PITPNM2: variants seen among roughly 807,000 people sequenced by gnomAD.
PITPNM2 encodes the protein membrane-associated phosphatidylinositol transfer protein 2.
PITPNM2 carries 35 observed loss-of-function variants against 132.2 expected under a neutral mutation model. That is an observed-to-expected ratio of 0.26 (90% confidence interval 0.20 to 0.35). The LOEUF (loss-of-function observed/expected upper bound fraction) is 0.35. Ranked by LOEUF, PITPNM2 falls within the 10% of genes least tolerant of loss-of-function variation. PITPNM2 has a pLI of 1.00. For synonymous variants in PITPNM2, 738 were observed against 799.2 expected, an observed-to-expected ratio of 0.92 and a Z score of 1.29; for missense variants, 1,332 against 1,912.0, an observed-to-expected ratio of 0.70 and a Z score of 5.66.
chr12:123,012,529 G>A, intron 5 of PITPNM2, 84 bp downstream of exon 5: 2 of 1,525,684 alleles, frequency 1.3e-6, no homozygotes. Context: ...TCTACCAGGT[G>A]TGGGGAAAAG....
intron 2 of PITPNM2, among the ~76,000 whole-genome samples, chr12:123,104,855 T>C (rs1220122793): frequency 1.3e-5 from 2 of 152,068 alleles, no homozygotes; most frequent in African/African-American, 4.8e-5. Context: ...CTTCCTCCCA[T>C]CCAGCCTGCT....
At chr12:122,995,251 T>G in intron 14 of PITPNM2, 138 bp downstream of exon 14, 2 of 1,299,884 alleles carry the variant, frequency 1.5e-6, no homozygotes, top group South Asian at 3.0e-5. Flanking sequence ...GGGCCCAGAC[T>G]GGGATTCCAG....
intron 1 of PITPNM2, among the ~76,000 whole-genome samples, chr12:123,141,354 G>A (rs897915517): frequency 1.3e-5 from 2 of 152,278 alleles, no homozygotes; most frequent in Admixed American, 1.3e-4. Context: ...ACAAAAGGTG[G>A]GTAAGCGGGA....
intron 2 of PITPNM2, among the ~76,000 whole-genome samples, chr12:123,053,640 TCAC>T (rs57405952): frequency 0.041 from 6,160 of 149,660 alleles, 417 homozygotes; most frequent in African/African-American, 0.14. Context: ...TGATCTCGGC[TCAC>T]CAAAACCTCC....
rs922579539 is a variant in PITPNM2, at chr12:123,009,972, T to A, written c.521A>T (p.Glu174Val). Residue 174 changes from glutamate to valine, a missense_variant, in exon 6 of 26, where the codon GAG (glutamate) becomes GTG (valine). Coordinates refer to ENST00000320201, the MANE Select transcript of PITPNM2 (RefSeq NM_020845.3). The surrounding 1 kb of genome is among the most constrained non-coding windows in gnomAD (Gnocchi z 4.8). ...CTTCTTGTACTCCTCGATCCAGTTC[T>A]CGGACAGGGGCCCCCGCTGGGTCTT... ...STKTQRGPLS[E>V]NWIEEYKKQV... 3 of 1,614,196 alleles carry A rather than the reference T, an allele frequency of 1.9e-6. No individual in the cohort carries two copies. Among genetic ancestry groups the A allele is most frequent in the Non-Finnish European group, 2.5e-6 (3 of 1,180,022 alleles).
chr12:123,067,330 C>T (rs1272193739), intron 2 of PITPNM2, among the ~76,000 whole-genome samples: 1 of 152,136 alleles, frequency 6.6e-6, no homozygotes, highest in African/African-American at 2.4e-5. Flanking sequence ...GTGGCACATG[C>T]TTGTAATCCC....
At chr12:122,996,651 TC>T (rs1374323841) in intron 12 of PITPNM2, 69 bp downstream of exon 12, 1 of 1,610,508 alleles carries the variant, frequency 6.2e-7, no homozygotes, top group Non-Finnish European at 8.5e-7. Flanking sequence ...GCCGTCACCT[TC>T]CCCCTGAGGC....
intron 1 of PITPNM2, among the ~76,000 whole-genome samples, chr12:123,143,669 G>A (rs894348038): frequency 6.6e-6 from 1 of 152,202 alleles, no homozygotes; most frequent in African/African-American, 2.4e-5. Flanking sequence ...GAAAGGCCAA[G>A]TCTATTGCAG....
At chr12:123,138,898 G>A (rs2043438753) in intron 1 of PITPNM2, among the ~76,000 whole-genome samples, 1 of 152,132 alleles carries the variant, frequency 6.6e-6, no homozygotes, top group South Asian at 2.1e-4. Context: ...AGCACTTTGA[G>A]AGGCCCAGGC....
In PITPNM2 at chr12:123,107,216, G is replaced by A. The variant is rs1446792341; in HGVS notation, c.-96+3169C>T. 7.2e-5 allele frequency among the ~76,000 whole-genome samples: 11 copies of A among 152,300 alleles called. No homozygotes were observed. In the East Asian group the frequency reaches 1.9e-3, roughly 27 times the overall value. On this transcript the variant is annotated intron_variant, in intron 2 of 25. Transcript: ENST00000320201. ...AAGTGCCCCTCCCTGCCTGAGCCAC[G>A]GGGAGTCCGGAAGGAAGCCACTGCC... is the stretch of plus-strand genomic sequence containing the variant.
At chr12:123,116,785 G>A (rs1007147111) in intron 1 of PITPNM2, among the ~76,000 whole-genome samples, 1 of 152,122 alleles carries the variant, frequency 6.6e-6, no homozygotes, top group Non-Finnish European at 1.5e-5. Context: ...CCCAACGGGT[G>A]ATGAGGAGGG....
At chr12:123,040,084 C>G (rs986600754) in intron 2 of PITPNM2, among the ~76,000 whole-genome samples, 14 of 151,968 alleles carry the variant, frequency 9.2e-5, no homozygotes, top group Admixed American at 6.6e-5. Flanking sequence ...GAGCCAAGAT[C>G]GTGCCACTGC....
At position 123,097,339 on chromosome 12, in the gene PITPNM2, G is replaced by A. The variant is rs1033016894; in HGVS notation, c.-96+13046C>T. ...ATTACAGGCATGAGCCACCGCGCCC[G>A]GCCTGCCATCTCCCTTTTATTAGTG... On this transcript the variant is annotated intron_variant, in intron 2 of 25. Coordinates refer to ENST00000320201, the MANE Select transcript of PITPNM2 (RefSeq NM_020845.3). The surrounding 1 kb of genome is among the most constrained non-coding windows in gnomAD (Gnocchi z 4.7). Among the ~76,000 whole-genome samples the A allele has an allele frequency of 6.6e-5, 10 of 152,096 alleles. No individual in the cohort carries two copies. Among genetic ancestry groups the A allele is most frequent in the African/African-American group, 2.2e-4 (9 of 41,398 alleles).
intron 1 of PITPNM2, among the ~76,000 whole-genome samples, chr12:123,137,438 G>A (rs1289785064): frequency 6.6e-6 from 1 of 152,176 alleles, no homozygotes; most frequent in African/African-American, 2.4e-5. Flanking sequence ...ACTCATGACT[G>A]ATGAATACCT....
chr12:123,067,348 C>G (rs1198244480), intron 2 of PITPNM2, among the ~76,000 whole-genome samples: 1 of 152,082 alleles, frequency 6.6e-6, no homozygotes, highest in African/African-American at 2.4e-5. Flanking sequence ...CCCAGCTACT[C>G]AGGAGGCTGA....
chr12:123,105,779 CA>C (rs2042695102), intron 2 of PITPNM2, among the ~76,000 whole-genome samples: 1 of 152,196 alleles, frequency 6.6e-6, no homozygotes. Flanking sequence ...GAACCGAAGA[CA>C]GGGGCTCTGT....
intron 2 of PITPNM2, among the ~76,000 whole-genome samples, chr12:123,043,255 C>T (rs976277072): frequency 3.3e-5 from 5 of 152,064 alleles, no homozygotes; most frequent in African/African-American, 1.2e-4. Context: ...TCTCCCTCCA[C>T]CCAGCCACAA....
chr12:123,010,141 A>C, intron 5 of PITPNM2, 64 bp from the exon 6 acceptor site: 3 of 1,337,968 alleles, frequency 2.2e-6, no homozygotes, highest in Non-Finnish European at 3.2e-6. Context: ...ACATCTCTCC[A>C]TGTTCCTCCA....
At chr12:123,123,690 T>C (rs2043076110) in intron 1 of PITPNM2, among the ~76,000 whole-genome samples, 5 of 152,036 alleles carry the variant, frequency 3.3e-5, no homozygotes, top group Admixed American at 3.3e-4. Flanking sequence ...ATCCCCACAC[T>C]TTGGGAGGCT....
Sources: allele counts gnomAD v4.1 joint callset (sites outside exome capture counted in the v4.1 genomes callset), GRCh38; gene constraint gnomAD v4.1.1; non-coding constraint Gnocchi (gnomAD v3.1); transcripts MANE v1.5; gene names NCBI Gene and HGNC (gene_info 2026-07-23, HGNC 2026-07-21).